Variants in CERS3 observed in about 807,000 individuals in gnomAD.
The protein encoded by CERS3 is LAG1 homolog, ceramide synthase 3.
A neutral mutation model predicts 50.3 loss-of-function variants in CERS3; 33 were observed. That is an observed-to-expected ratio of 0.66 (90% CI 0.50 to 0.88). The LOEUF (loss-of-function observed/expected upper bound fraction) is 0.88. Among genes scored for constraint, CERS3 ranks in the 40% least tolerant of loss-of-function variants. The probability of loss-of-function intolerance (pLI) is 0.00; values close to 1 mark genes in which losing one functional copy is unlikely to be tolerated. For synonymous variants in CERS3, 176 were observed against 155.2 expected, an observed-to-expected ratio of 1.13 and a Z score of -0.99; for missense variants, 470 against 460.3, an observed-to-expected ratio of 1.02 and a Z score of -0.19.
chr15:100,478,942 G>T (rs770647698), intron 7 of CERS3, among the ~76,000 whole-genome samples: 11 of 152,068 alleles, frequency 7.2e-5, no homozygotes, highest in Admixed American at 1.3e-4. Context: ...GAAGGAGGAG[G>T]GTGTATGGTG....
At chr15:100,516,194 C>A (rs560117809) in intron 2 of CERS3, among the ~76,000 whole-genome samples, 1 of 152,262 alleles carries the variant, frequency 6.6e-6, no homozygotes. Context: ...GTGGGTAAGG[C>A]CATTATACAG....
intron 5 of CERS3, among the ~76,000 whole-genome samples, chr15:100,483,787 A>ATTATTATTTTTTTTTTTT (rs760594142): frequency 6.8e-4 from 68 of 100,026 alleles, no homozygotes; most frequent in East Asian, 9.7e-4. Context: ...TATTATTATT[A>ATTATTATTTTTTTTTTTT]TTTTTTTTTT....
At chr15:100,446,652 T>C (rs2033956354) in intron 11 of CERS3, among the ~76,000 whole-genome samples, 2 of 152,150 alleles carry the variant, frequency 1.3e-5, no homozygotes, top group South Asian at 2.1e-4. Context: ...TATACACGGA[T>C]AGTAACACCT....
chr15:100,472,948 G>T lies in CERS3; in HGVS notation c.714C>A (p.His238Gln), dbSNP rs116521824. Residue 238 changes from histidine (H) to glutamine (Q), a missense_variant, in exon 9 of 12, where the codon CAC (histidine) becomes CAA (glutamine). By Grantham distance (24) the His-to-Gln change is conservative (BLOSUM62 0). Transcript: ENST00000679737. ...IRSGTLVMIV[H>Q]DVADIWLESA... ...CCTCCAGCCAAATGTCAGCCACATC[G>T]TGTACAATCATCACGAGGGTCCCAC... 2 of 1,613,770 alleles carry T rather than the reference G, an allele frequency of 1.2e-6. No homozygotes were observed. The highest frequency in any genetic ancestry group is 1.7e-6 in the Non-Finnish European group (2 of 1,179,890).
At chr15:100,431,040 T>C (rs918887438) in intron 11 of CERS3, among the ~76,000 whole-genome samples, 2 of 152,174 alleles carry the variant, frequency 1.3e-5, no homozygotes, top group Non-Finnish European at 2.9e-5. Context: ...GGGCCTGAGA[T>C]ATTGTATTTC....
chr15:100,417,122 C>T (rs1289465843), intron 11 of CERS3, among the ~76,000 whole-genome samples: 3 of 152,148 alleles, frequency 2.0e-5, no homozygotes, highest in Admixed American at 6.5e-5. Flanking sequence ...CAGCTCCCAG[C>T]GTGAGCGACG....
At chr15:100,427,658 G>A (rs1478806601) in intron 11 of CERS3, among the ~76,000 whole-genome samples, 6 of 152,198 alleles carry the variant, frequency 3.9e-5, no homozygotes, top group African/African-American at 9.7e-5. Flanking sequence ...TCTCGGGTAC[G>A]ATGAAGTGAT....
chr15:100,531,539 T>G (rs2036939345), upstream of CERS3, among the ~76,000 whole-genome samples: 1 of 152,206 alleles, frequency 6.6e-6, no homozygotes, highest in East Asian at 1.9e-4. Flanking sequence ...GGAAATAGGC[T>G]GTGTGTGGAG....
intron 4 of CERS3, among the ~76,000 whole-genome samples, chr15:100,488,187 A>T (rs534650126): frequency 3.7e-4 from 57 of 152,226 alleles, no homozygotes; most frequent in South Asian, 8.3e-4. Flanking sequence ...TTTAGGCCTC[A>T]TCAATACCAT....
intron 2 of CERS3, among the ~76,000 whole-genome samples, chr15:100,520,817 C>G (rs1415245064): frequency 6.6e-6 from 1 of 152,140 alleles, no homozygotes; most frequent in African/African-American, 2.4e-5. Context: ...TCAGCAAGCA[C>G]AGCTGGTGCC....
intron 2 of CERS3, among the ~76,000 whole-genome samples, chr15:100,506,946 A>T (rs141719767): frequency 3.3e-5 from 5 of 152,224 alleles, no homozygotes; most frequent in Admixed American, 3.3e-4. Context: ...TATGTAAATT[A>T]TACCTCCAAA....
chr15:100,455,093 A>G (rs2034316894), intron 11 of CERS3, among the ~76,000 whole-genome samples: 1 of 152,134 alleles, frequency 6.6e-6, no homozygotes, highest in Non-Finnish European at 1.5e-5. Context: ...TGATTGAAAG[A>G]CACTGGTGAG....
At chr15:100,484,721 C>T in intron 4 of CERS3, 53 bp from the exon 5 acceptor site, 1 of 1,307,188 alleles carries the variant, frequency 7.7e-7, no homozygotes, top group Non-Finnish European at 1.1e-6. Context: ...GTCAGACTGG[C>T]AGGCAGACAA....
chr15:100,449,320 G>T (rs957769763), intron 11 of CERS3, among the ~76,000 whole-genome samples: 3 of 152,344 alleles, frequency 2.0e-5, no homozygotes, highest in Non-Finnish European at 1.5e-5. Context: ...CCACTTGGGA[G>T]CCAGAGGATT....
chr15:100,437,214 G>A (rs1456293348), intron 11 of CERS3, among the ~76,000 whole-genome samples: 2 of 152,050 alleles, frequency 1.3e-5, no homozygotes, highest in Admixed American at 6.6e-5. Flanking sequence ...CAAAGTGCTG[G>A]GATTACAGGT....
chr15:100,482,868 C>A (rs1269782802), intron 5 of CERS3, among the ~76,000 whole-genome samples: 2 of 152,220 alleles, frequency 1.3e-5, no homozygotes, highest in Non-Finnish European at 1.5e-5. Flanking sequence ...GCACATCCCA[C>A]AGCTGATTTT....
intron 10 of CERS3, among the ~76,000 whole-genome samples, chr15:100,463,247 C>T (rs1200671888): frequency 6.6e-6 from 1 of 151,746 alleles, no homozygotes; most frequent in Non-Finnish European, 1.5e-5. Flanking sequence ...CCATCCTGGC[C>T]AACATGGTGA....
intron 3 of CERS3, among the ~76,000 whole-genome samples, chr15:100,500,671 A>T (rs561038633): frequency 6.6e-6 from 1 of 152,220 alleles, no homozygotes; most frequent in Admixed American, 6.5e-5. Flanking sequence ...GAAAAGAAGT[A>T]CATTTTCAAA....
chr15:100,491,286 T>G (rs368578588), intron 3 of CERS3, among the ~76,000 whole-genome samples: 1 of 152,220 alleles, frequency 6.6e-6, no homozygotes, highest in South Asian at 2.1e-4. Context: ...TATTTGGTGT[T>G]ATTATCTTAA....
Sources: gnomAD v4.1 joint callset for allele counts (sites outside exome capture counted in the v4.1 genomes callset) on GRCh38, gnomAD v4.1.1 for gene constraint, MANE v1.5 for transcripts, NCBI Gene and HGNC (gene_info 2026-07-23, HGNC 2026-07-21) for gene names.